Variants in ANLN observed in about 807,000 individuals in gnomAD.
ANLN encodes the protein anillin, actin binding protein.
A neutral mutation model predicts 135.1 loss-of-function variants in ANLN; 59 were observed. The observed-to-expected ratio is 0.44, with a 90% CI of 0.35 to 0.54. ANLN has a LOEUF of 0.54. Ranked by LOEUF, ANLN falls within the 20% of genes least tolerant of loss-of-function variation. ANLN has a pLI of 0.00. For missense variants in ANLN, 1,182 were observed against 1,340.0 expected (o/e 0.88, Z 1.84); for synonymous variants, 406 against 456.4 (o/e 0.89, Z 1.41).
At position 36,426,922 on chromosome 7, in the gene ANLN, C is replaced by T; in HGVS notation, c.2777C>T (p.Ala926Val). 1 of 1,594,754 alleles carries T rather than the reference C, an allele frequency of 6.3e-7. No individual in the cohort carries two copies. Among genetic ancestry groups the T allele is most frequent in the Non-Finnish European group, 8.5e-7 (1 of 1,173,092 alleles). ...TKSNIHSSVM[A>V]SPGGLSAVRT... ...ATTTCCTCGTTCTTCACAGTCATGG[C>T]CAGTCCAGGAGGTCTTAGTGCTGTG... The change falls in exon 20 of 24, where the codon GCC becomes GTC. Residue 926 changes from alanine (A) to valine (V), a missense_variant. Transcript: ENST00000265748.
intron 8 of ANLN, 135 bp from the exon 9 acceptor site, chr7:36,416,945 A>G (rs1787664733): frequency 1.9e-6 from 1 of 537,586 alleles, no homozygotes; most frequent in Non-Finnish European, 3.3e-6. Context: ...GTGTTTCTAT[A>G]CATTTCTGGG....
chr7:36,447,417 C>CTTTT (rs978030270), intron 22 of ANLN, among the ~76,000 whole-genome samples: 58 of 105,858 alleles, frequency 5.5e-4, no homozygotes, highest in Non-Finnish European at 7.9e-4. Context: ...AGCAGTTGAT[C>CTTTT]TTTTTTTTTT....
chr7:36,398,501 C>T (rs197362), intron 2 of ANLN, among the ~76,000 whole-genome samples: 147,509 of 152,356 alleles, frequency 0.97, 71,595 homozygotes, highest in East Asian at 1. Flanking sequence ...CTGTATAATC[C>T]TTAAAATCTG....
intron 20 of ANLN, among the ~76,000 whole-genome samples, chr7:36,430,933 C>A (rs1788286827): frequency 6.6e-6 from 1 of 152,166 alleles, no homozygotes; most frequent in South Asian, 2.1e-4. Flanking sequence ...CCACACTCAA[C>A]TAGGGGGAGG....
chr7:36,445,484 A>G (rs1448242419), intron 22 of ANLN, among the ~76,000 whole-genome samples: 1 of 152,048 alleles, frequency 6.6e-6, no homozygotes, highest in African/African-American at 2.4e-5. Flanking sequence ...GGTTTGTGAA[A>G]TTTGTCTGGG....
At chr7:36,398,824 C>A (rs534693122) in intron 2 of ANLN, among the ~76,000 whole-genome samples, 43 of 151,816 alleles carry the variant, frequency 2.8e-4, no homozygotes, top group Admixed American at 2.6e-3. Context: ...GCCTTTCCAT[C>A]CCCACAGCTT....
In ANLN at chr7:36,415,748, CT is replaced by C; in HGVS notation, c.1396-5del. On this transcript the variant is annotated splice_polypyrimidine_tract_variant and intron_variant, in intron 7 of 23. Transcript: ENST00000265748. Reference sequence around the variant, plus strand: ...AGAAATAAAATTTACTTTTCATTCGCTTTTTGCAGGAAACTCACTGTCAGAG... The same window carrying C: ...AGAAATAAAATTTACTTTTCATTCGCTTTTGCAGGAAACTCACTGTCAGAG... 5.1e-6 allele frequency: 8 copies of C among 1,569,064 alleles called. No individual in the cohort carries two copies. The highest frequency in any genetic ancestry group is 6.9e-6 in the Non-Finnish European group (8 of 1,165,446).
intron 1 of ANLN, among the ~76,000 whole-genome samples, chr7:36,394,804 A>G (rs1786631155): frequency 6.6e-6 from 1 of 152,210 alleles, no homozygotes; most frequent in African/African-American, 2.4e-5. Flanking sequence ...AGTAATAATA[A>G]TCTGCATACC....
intron 8 of ANLN, 81 bp downstream of exon 8, chr7:36,415,965 T>C: frequency 7.9e-7 from 1 of 1,272,186 alleles, no homozygotes. Context: ...TCTGTAACTT[T>C]GCTGGATTTG....
At position 36,399,405 on chromosome 7, in the gene ANLN, A is replaced by ATAGATGGTATGGCCCATAC. The variant is rs780323546; in HGVS notation, c.487+13_487+31dup. ...TGATGATATGACAGGTATGAATTGT[A>ATAGATGGTATGGCCCATAC]TAGATGGTATGGCCCATACATCTGT... is the stretch of plus-strand genomic sequence containing the variant. On this transcript the variant is annotated intron_variant, in intron 3 of 23. Coordinates refer to ENST00000265748, the MANE Select transcript of ANLN (RefSeq NM_018685.5). 1.3e-6 allele frequency: 2 copies of ATAGATGGTATGGCCCATAC among 1,582,226 alleles called. No individual in the cohort carries two copies. The highest frequency in any genetic ancestry group is 1.7e-6 in the Non-Finnish European group (2 of 1,162,428).
chr7:36,423,436 G>A (rs1386064030), intron 14 of ANLN, among the ~76,000 whole-genome samples: 1 of 152,108 alleles, frequency 6.6e-6, no homozygotes, highest in African/African-American at 2.4e-5. Context: ...TTATCTCTGA[G>A]TAACTTTTAT....
At chr7:36,422,553 A>G (rs1787921524) in intron 13 of ANLN, 80 bp from the exon 14 acceptor site, 3 of 1,260,472 alleles carry the variant, frequency 2.4e-6, no homozygotes, top group Non-Finnish European at 3.3e-6. Context: ...CAGTTTCCAT[A>G]TCAGTACACT....
intron 20 of ANLN, among the ~76,000 whole-genome samples, chr7:36,430,096 T>G (rs761681146): frequency 7.2e-5 from 11 of 152,216 alleles, no homozygotes; most frequent in Non-Finnish European, 1.3e-4. Flanking sequence ...ATATCTAAAA[T>G]AGTTAAGTTT....
At chr7:36,425,867 G>C (rs1398542971) in intron 18 of ANLN, 127 bp downstream of exon 18, 3 of 1,127,236 alleles carry the variant, frequency 2.7e-6, no homozygotes, top group Non-Finnish European at 2.6e-6. Context: ...CTAATGGGGG[G>C]ATATCCCTGT....
chr7:36,447,754 G>C (rs577410659), intron 22 of ANLN, among the ~76,000 whole-genome samples: 3 of 152,186 alleles, frequency 2.0e-5, no homozygotes, highest in African/African-American at 7.2e-5. Context: ...TGCCAGGTGC[G>C]ATGGCAGGAG....
intron 8 of ANLN, 21 bp downstream of exon 8, chr7:36,415,905 C>A: frequency 6.4e-7 from 1 of 1,554,328 alleles, no homozygotes. Flanking sequence ...CCAGATTGTT[C>A]ATGGTTAGTA....
chr7:36,444,390 C>T (rs559947330), intron 22 of ANLN, among the ~76,000 whole-genome samples: 1 of 151,728 alleles, frequency 6.6e-6, no homozygotes, highest in African/African-American at 2.4e-5. Flanking sequence ...TTTGACCACT[C>T]TTAAAATACC....
chr7:36,407,793 A>T lies in ANLN; in HGVS notation c.933A>T (p.Gly311=). The change falls in exon 5 of 24, where the codon GGA becomes GGT. Residue 311 remains glycine (G), a synonymous_variant. Coordinates refer to ENST00000265748, the MANE Select transcript of ANLN (RefSeq NM_018685.5). ...TSITDAKSCE[G]QNPELLPKTP... ...TCACTGATGCTAAAAGTTGTGAGGG[A>T]CAAAATCCTGAGCTACTTCCAAAAA... is the stretch of plus-strand genomic sequence containing the variant. 6.2e-7 allele frequency: 1 copy of T among 1,613,852 alleles called. No homozygotes were observed. Among genetic ancestry groups the T allele is most frequent in the Non-Finnish European group, 8.5e-7 (1 of 1,179,822 alleles).
At chr7:36,446,679 C>T (rs926516820) in intron 22 of ANLN, among the ~76,000 whole-genome samples, 7 of 152,052 alleles carry the variant, frequency 4.6e-5, no homozygotes, top group African/African-American at 1.7e-4. Context: ...TTGAGAAATC[C>T]GCCTGCATGA....
Sources: gnomAD v4.1 joint callset for allele counts (sites outside exome capture counted in the v4.1 genomes callset) on GRCh38, gnomAD v4.1.1 for gene constraint, MANE v1.5 for transcripts, NCBI Gene and HGNC (gene_info 2026-07-23, HGNC 2026-07-21) for gene names.